TBC1D2B: variants seen among roughly 807,000 people sequenced by gnomAD.
TBC1D2B encodes TBC1 domain family member 2B.
A neutral mutation model predicts 100.8 loss-of-function variants in TBC1D2B; 64 were observed. That is an observed-to-expected ratio of 0.64 (90% CI 0.52 to 0.78). The LOEUF is 0.78. Among genes scored for constraint, TBC1D2B ranks in the 30% least tolerant of loss-of-function variants. The probability of loss-of-function intolerance (pLI) is 0.00; values close to 1 mark genes in which losing one functional copy is unlikely to be tolerated. For synonymous variants in TBC1D2B, 480 were observed against 479.7 expected (o/e 1.00, Z -0.01); for missense variants, 1,052 against 1,218.4 (o/e 0.86, Z 2.03).
At chr15:78,068,385 A>G in intron 1 of TBC1D2B, among the ~76,000 whole-genome samples, 1 of 126,224 alleles carries the variant, frequency 7.9e-6, no homozygotes, top group East Asian at 3.2e-4. Context: ...CACCACACCC[A>G]CACACACACA....
chr15:78,053,460 G>C (rs953975922), intron 2 of TBC1D2B, among the ~76,000 whole-genome samples: 1 of 152,170 alleles, frequency 6.6e-6, no homozygotes, highest in Non-Finnish European at 1.5e-5. Context: ...CTTTGCAATG[G>C]GGTAGGATGG....
chr15:78,040,097 C>G (rs1414971323), intron 3 of TBC1D2B, among the ~76,000 whole-genome samples: 1 of 152,244 alleles, frequency 6.6e-6, no homozygotes, highest in Non-Finnish European at 1.5e-5. Context: ...AACCGCCACA[C>G]AGGCTTCCAA....
At chr15:78,043,966 G>A (rs971124005) in intron 3 of TBC1D2B, among the ~76,000 whole-genome samples, 1 of 151,146 alleles carries the variant, frequency 6.6e-6, no homozygotes, top group African/African-American at 2.4e-5. Flanking sequence ...CAAGGCTGCA[G>A]TCAGCCATGA....
At position 78,058,319 on chromosome 15, in the gene TBC1D2B, C is replaced by T. The variant is rs544119583; in HGVS notation, c.361-4132G>A. On this transcript the variant is annotated intron_variant, in intron 1 of 12. Coordinates refer to ENST00000300584, the MANE Select transcript of TBC1D2B (RefSeq NM_144572.2). ...ACATAAGCCAAGGGCATGGGGTCCA[C>T]GGGGGTGTGGGGCAGCCAACACCAT... 1.4e-4 allele frequency among the ~76,000 whole-genome samples: 21 copies of T among 152,258 alleles called. No individual in the cohort carries two copies. In the South Asian group the frequency reaches 4.1e-3, roughly 30 times the overall value.
intron 1 of TBC1D2B, among the ~76,000 whole-genome samples, chr15:78,069,461 A>C (rs1383159249): frequency 6.6e-6 from 1 of 152,228 alleles, no homozygotes; most frequent in Non-Finnish European, 1.5e-5. Context: ...ATAACATATA[A>C]ATACATCAAC....
intron 1 of TBC1D2B, among the ~76,000 whole-genome samples, chr15:78,072,184 T>C (rs182578819): frequency 6.6e-6 from 1 of 152,318 alleles, no homozygotes; most frequent in East Asian, 1.9e-4. Context: ...CCAGATACTG[T>C]TGCAGGAGCT....
intron 3 of TBC1D2B, among the ~76,000 whole-genome samples, chr15:78,043,513 C>A (rs2073131264): frequency 6.6e-6 from 1 of 152,198 alleles, no homozygotes; most frequent in African/African-American, 2.4e-5. Context: ...GATTTTCCCA[C>A]CTCAGCCTCC....
At chr15:78,012,357 G>A (rs1173465226) in intron 9 of TBC1D2B, among the ~76,000 whole-genome samples, 2 of 152,180 alleles carry the variant, frequency 1.3e-5, no homozygotes, top group Non-Finnish European at 2.9e-5. Flanking sequence ...GGCAAGACCT[G>A]TTAAAAGTTC....
At chr15:78,058,647 C>A (rs111912423) in intron 1 of TBC1D2B, among the ~76,000 whole-genome samples, 148 of 152,328 alleles carry the variant, frequency 9.7e-4, no homozygotes, top group Non-Finnish European at 1.9e-3. Flanking sequence ...CAGAAGCTAA[C>A]GGCCAGGACC....
At position 78,003,291 on chromosome 15, in the gene TBC1D2B, C is replaced by T; in HGVS notation, c.2574+14G>A. On this transcript the variant is annotated intron_variant, in intron 11 of 12. Coordinates refer to ENST00000300584, the MANE Select transcript of TBC1D2B (RefSeq NM_144572.2). ...GTGTGTATATCTGAAAATAGCTGAG[C>T]TGAGCTAACTCACCTTTGGTCCTTC... is the stretch of plus-strand genomic sequence containing the variant. The T allele has an allele frequency of 6.2e-7, 1 of 1,610,016 alleles. No individual in the cohort carries two copies. The highest frequency in any genetic ancestry group is 8.5e-7 in the Non-Finnish European group (1 of 1,176,654).
In TBC1D2B at chr15:78,024,247, C is replaced by T. The variant is rs137870308; in HGVS notation, c.1379G>A (p.Gly460Asp). The T allele has an allele frequency of 1.2e-6, 2 of 1,613,972 alleles. No homozygotes were observed. The highest frequency in any genetic ancestry group is 2.2e-5 in the South Asian group (2 of 91,086). Reference protein sequence around the residue: ...KDEVIIKLSEGEGNGPPPTVA... With the variant: ...KDEVIIKLSEDEGNGPPPTVA... ...GGTGGGAGGAGGCCCGTTGCCCTCG[C>T]CCTCGCTGAGCTTGATGATGACCTC... Residue 460 changes from glycine to aspartate, a missense_variant, in exon 6 of 13, where the codon GGC (glycine) becomes GAC (aspartate). Gly to Asp is a moderately conservative substitution (Grantham distance 94). This residue lies in a region of TBC1D2B where 627 missense variants were observed against 646.1 expected (regional missense o/e 0.97). Coordinates refer to ENST00000300584, the MANE Select transcript of TBC1D2B (RefSeq NM_144572.2).
intron 12 of TBC1D2B, among the ~76,000 whole-genome samples, chr15:78,000,443 A>T (rs1274659208): frequency 6.6e-6 from 1 of 152,222 alleles, no homozygotes; most frequent in Non-Finnish European, 1.5e-5. Flanking sequence ...GGCAATCCTG[A>T]CCCAACACGA....
intron 8 of TBC1D2B, among the ~76,000 whole-genome samples, chr15:78,014,474 G>A (rs1312846554): frequency 6.6e-6 from 1 of 152,224 alleles, no homozygotes; most frequent in Non-Finnish European, 1.5e-5. Flanking sequence ...GGGCACATGG[G>A]AATATGGACC....
intron 3 of TBC1D2B, among the ~76,000 whole-genome samples, chr15:78,040,855 G>GAAGGAAGGAAGGAAGAAAGA (rs71447186): frequency 1.3e-5 from 1 of 74,668 alleles, no homozygotes; most frequent in African/African-American, 4.5e-5. Context: ...AGAAAGAAAG[G>GAAGGAAGGAAGGAAGAAAGA]AAGAAAGAAA....
At chr15:78,030,314 T>C (rs2072777454) in intron 3 of TBC1D2B, 144 bp from the exon 4 acceptor site, 1 of 689,544 alleles carries the variant, frequency 1.5e-6, no homozygotes, top group African/African-American at 1.9e-5. Flanking sequence ...TTCCCTTTTT[T>C]TTTTTGAAAT....
Position 78,024,421 on chromosome 15 carries a change from T to C in TBC1D2B, c.1205A>G (p.Asp402Gly), listed in dbSNP as rs764945558. 5 of 1,614,026 alleles carry C rather than the reference T, an allele frequency of 3.1e-6. No individual in the cohort carries two copies. Among genetic ancestry groups the C allele is most frequent in the Admixed American group, 1.7e-5 (1 of 60,024 alleles). ...GCTGGTAAGGCCCAGAATCTGATCA[T>C]CCTTTTGGTGCAGAAGCTCGAGCGT... ...KDTLELLHQK[D>G]DQILGLTSQL... Residue 402 changes from aspartate to glycine, a missense_variant, in exon 6 of 13, where the codon GAT becomes GGT. Transcript: ENST00000300584.
In TBC1D2B at chr15:78,013,306, A is replaced by T. The variant is rs766646039; in HGVS notation, c.1787T>A (p.Ile596Asn). The change falls in exon 9 of 13, where the codon ATT becomes AAT. Residue 596 changes from isoleucine to asparagine, a missense_variant. Ile to Asn is a moderately radical substitution (Grantham distance 149). This residue lies in a region of TBC1D2B where 373 missense variants were observed against 464.9 expected (regional missense o/e 0.80). Coordinates refer to ENST00000300584, the MANE Select transcript of TBC1D2B (RefSeq NM_144572.2). Reference sequence around the variant, plus strand: ...CTCAGGTACAGTCCTGAACCCATAAATATCATATTCACTGTTGATAAAAAC... The same window carrying T: ...CTCAGGTACAGTCCTGAACCCATAATTATCATATTCACTGTTGATAAAAAC... ...VKPHLVSEYD[I>N]YGFRTVPEDD... 1.2e-6 allele frequency: 2 copies of T among 1,602,954 alleles called. No individual in the cohort carries two copies. Among genetic ancestry groups the T allele is most frequent in the African/African-American group, 1.3e-5 (1 of 74,340 alleles).
In TBC1D2B at chr15:78,077,678, C is replaced by CCCGCGCCCTGCGCCT; in HGVS notation, c.-41_-27dup. ...CGCTACCGCGCGCCAACCGTAGGCG[C>CCCGCGCCCTGCGCCT]CCGCGCCCTGCGCCTCCGCGCCGCG... On this transcript the variant is annotated 5_prime_UTR_variant, in exon 1 of 13. Transcript: ENST00000300584. The CCCGCGCCCTGCGCCT allele has an allele frequency of 1.0e-6, 1 of 986,826 alleles. No individual in the cohort carries two copies. Among genetic ancestry groups the CCCGCGCCCTGCGCCT allele is most frequent in the Middle Eastern group, 5.2e-4 (1 of 1,922 alleles). 61.1% of individuals were successfully genotyped at this position (986,826 alleles called of 1,614,324 possible).
intron 3 of TBC1D2B, among the ~76,000 whole-genome samples, chr15:78,030,677 A>T (rs1252002183): frequency 6.6e-6 from 1 of 152,260 alleles, no homozygotes; most frequent in Non-Finnish European, 1.5e-5. Flanking sequence ...AGAGGAACTC[A>T]GCAAGGTACT....
Sources: allele counts gnomAD v4.1 joint callset (sites outside exome capture counted in the v4.1 genomes callset), GRCh38; gene constraint gnomAD v4.1.1; regional missense constraint gnomAD v4.1.1; transcripts MANE v1.5; gene names NCBI Gene and HGNC (gene_info 2026-07-23, HGNC 2026-07-21).